Variants in HNRNPAB observed in about 807,000 individuals in gnomAD.
HNRNPAB encodes heterogeneous nuclear ribonucleoprotein A/B.
In HNRNPAB, 17 loss-of-function variants were observed where a neutral mutation model predicts 44.1. That is an observed-to-expected ratio of 0.39 (90% confidence interval 0.26 to 0.58). HNRNPAB has a LOEUF of 0.58. HNRNPAB is among the 20% of genes least tolerant of loss of function. HNRNPAB has a pLI of 0.63. For synonymous variants in HNRNPAB, 183 were observed against 167.6 expected (o/e 1.09, Z -0.71); for missense variants, 393 against 432.7 (o/e 0.91, Z 0.81).
chr5:178,209,019 C>A, intron 5 of HNRNPAB: 1 of 320,714 alleles, frequency 3.1e-6, no homozygotes, highest in South Asian at 3.6e-5. Flanking sequence ...GGTGCCTGGT[C>A]CCAGCCTGTC....
chr5:178,207,688 GCACTT>G (rs1757137923), intron 5 of HNRNPAB, among the ~76,000 whole-genome samples: 1 of 122,896 alleles, frequency 8.1e-6, no homozygotes, highest in Non-Finnish European at 1.6e-5. Context: ...TCCACTTTGA[GCACTT>G]TTTTTTTTTT....
intron 2 of HNRNPAB, 144 bp downstream of exon 2, chr5:178,205,190 G>C (rs1299092854): frequency 2.0e-6 from 1 of 495,006 alleles, no homozygotes; most frequent in Non-Finnish European, 2.9e-6. Context: ...GCGTTCGCGG[G>C]CCGGGCCTGG....
At position 178,209,379 on chromosome 5, in the gene HNRNPAB, A is replaced by G; in HGVS notation, c.719A>G (p.Tyr240Cys). ...AAAGAAGTCTATCAGCAGCAGCAGT[A>G]TGGCTCTGGGGGCCGTGGAAACCGC... is the stretch of plus-strand genomic sequence containing the variant. ...QPKEVYQQQQ[Y>C]GSGGRGNRNR... Residue 240 changes from tyrosine (Y) to cysteine (C), a missense_variant, in exon 6 of 8, where the codon TAT becomes TGT. By Grantham distance (194) the Tyr-to-Cys change is radical. Coordinates refer to ENST00000358344, the MANE Select transcript of HNRNPAB (RefSeq NM_031266.3). 1.2e-6 allele frequency: 2 copies of G among 1,614,192 alleles called. No homozygotes were observed. The highest frequency in any genetic ancestry group is 1.7e-6 in the Non-Finnish European group (2 of 1,180,022).
rs1287714529 is a variant in HNRNPAB at position 178,210,289 on chromosome 5, G to A, written c.928+17G>A. ...ACGACTACAGTAAGTAGGAGAGAGG[G>A]AGGCCCCATCCGCTCACCCCTCGTC... On this transcript the variant is annotated intron_variant, in intron 7 of 7. Transcript: ENST00000358344. The A allele has an allele frequency of 1.3e-5, 21 of 1,614,086 alleles. No homozygotes were observed. The highest frequency in any genetic ancestry group is 1.8e-5 in the Non-Finnish European group (21 of 1,179,988).
chr5:178,206,132 C>A, intron 3 of HNRNPAB, 122 bp downstream of exon 3: 3 of 904,564 alleles, frequency 3.3e-6, no homozygotes, highest in South Asian at 1.7e-5. Flanking sequence ...TTGGGCAAAA[C>A]CCAAAGCCGG....
chr5:178,204,694 C>A lies in HNRNPAB; in HGVS notation c.-70C>A. 2.6e-6 allele frequency: 1 copy of A among 382,812 alleles called. No homozygotes were observed. The highest frequency in any genetic ancestry group is 4.3e-6 in the Non-Finnish European group (1 of 233,738). The allele number at this position is 382,812 out of a possible 1,614,324, so 23.7% of individuals were successfully genotyped here. A position where few individuals can be genotyped will look rare whatever the true frequency, so the allele number is the denominator to read the frequency against. ...GTGCGGCCGAGCCTGCGGCGCCTTC[C>A]CCTGCGGGTGGGGACGAGCGGGCCC... On this transcript the variant is annotated 5_prime_UTR_variant, in exon 1 of 8. Transcript: ENST00000358344.
At position 178,210,810 on chromosome 5, in the gene HNRNPAB, C is replaced by T. The variant is rs934409655; in HGVS notation, c.*187C>T. The T allele has an allele frequency of 3.4e-5, 21 of 608,906 alleles. No individual in the cohort carries two copies. The highest frequency in any genetic ancestry group is 7.4e-5 in the African/African-American group (4 of 54,172). 37.7% of individuals were successfully genotyped at this position (608,906 alleles called of 1,614,324 possible). A position where few individuals can be genotyped will look rare whatever the true frequency, so the allele number is the denominator to read the frequency against. ...TCCAGAGCTCTAGGTGTTTAGGCAGCGTGTGGTGTCTGAGAGGCCATAGCG... is the reference window on the plus strand; with the variant it reads ...TCCAGAGCTCTAGGTGTTTAGGCAGTGTGTGGTGTCTGAGAGGCCATAGCG... On this transcript the variant is annotated 3_prime_UTR_variant, in exon 8 of 8. Transcript: ENST00000358344.
At chr5:178,205,298 G>T (rs1756999611) in intron 2 of HNRNPAB, among the ~76,000 whole-genome samples, 1 of 151,384 alleles carries the variant, frequency 6.6e-6, no homozygotes, top group African/African-American at 2.4e-5. Context: ...GCCAGGGCCG[G>T]AGCCGGCGCA....
rs1258578556 is a variant in HNRNPAB, at chr5:178,210,854, T to C, written c.*231T>C. The C allele has an allele frequency of 1.8e-6, 1 of 560,466 alleles. No homozygotes were observed. The highest frequency in any genetic ancestry group is 3.2e-6 in the Non-Finnish European group (1 of 313,934). 34.7% of individuals were successfully genotyped at this position (560,466 alleles called of 1,614,324 possible). On this transcript the variant is annotated 3_prime_UTR_variant, in exon 8 of 8. Coordinates refer to ENST00000358344, the MANE Select transcript of HNRNPAB (RefSeq NM_031266.3). ...CATAGCGCCATCATGGGCTGATTTT[T>C]ATTACCAGGTCCCCCAGAAGCAGGT...
rs536824563 is a variant in HNRNPAB at position 178,210,419 on chromosome 5, C to T, written c.929-134C>T. On this transcript the variant is annotated intron_variant, in intron 7 of 7. Transcript: ENST00000358344. ...CTACTTGATTTTGAGCCTTAGACTT[C>T]GGGGTCTTAATAACATGAGGAAGGC... The T allele has an allele frequency of 2.9e-4, 437 of 1,531,436 alleles. 4 individuals are homozygous for T. In the South Asian group the frequency reaches 3.4e-3, roughly 12 times the overall value. The allele number at this position is 1,531,436 out of a possible 1,614,324, so 94.9% of individuals were successfully genotyped here. A position where few individuals can be genotyped will look rare whatever the true frequency, so the allele number is the denominator to read the frequency against.
In HNRNPAB at chr5:178,209,434, T is replaced by A. The variant is rs1554103347; in HGVS notation, c.774T>A (p.Gly258=). 1.9e-6 allele frequency: 3 copies of A among 1,613,516 alleles called. No individual in the cohort carries two copies. The highest frequency in any genetic ancestry group is 2.5e-6 in the Non-Finnish European group (3 of 1,179,756). The change falls in exon 6 of 8, where the codon GGT becomes GGA. Residue 258 remains glycine (G), a synonymous_variant. Transcript: ENST00000358344. ...GAGGGAACCGAGGCAGCGGAGGTGG[T>A]GGTGGAGGTGGAGGTGAGTGGAACG... ...RNRGNRGSGG[G]GGGGGQSQSW... is the part of the protein sequence containing the mutation.
At chr5:178,205,111 A>C in intron 2 of HNRNPAB, 65 bp downstream of exon 2, 314 of 1,037,050 alleles carry the variant, frequency 3.0e-4, no homozygotes, top group South Asian at 3.8e-4. Context: ...TGTTGGCGCC[A>C]CGCGGCGGGG....
chr5:178,205,952 C>G lies in HNRNPAB; in HGVS notation c.320C>G (p.Thr107Ser), dbSNP rs139805212. The change falls in exon 3 of 8, where the codon ACT (threonine) becomes AGT (serine). Residue 107 changes from threonine (T) to serine (S), a missense_variant. Physicochemically the swap from Thr to Ser is moderately conservative, Grantham distance 58. Around this residue, in one of 3 missense-constraint regions of HNRNPAB, gnomAD observed 102 missense variants for 162.3 expected, o/e 0.63. Coordinates refer to ENST00000358344, the MANE Select transcript of HNRNPAB (RefSeq NM_031266.3). ...TGTACAATAAAAATGGATCCCAACA[C>G]TGGACGGTCAAGAGGGTTTGGGTTT... Reference protein sequence around the residue: ...VDCTIKMDPNTGRSRGFGFIL... With the variant: ...VDCTIKMDPNSGRSRGFGFIL... 1.1e-4 allele frequency: 176 copies of G among 1,614,058 alleles called. No homozygotes were observed. Among genetic ancestry groups the G allele is most frequent in the Non-Finnish European group, 1.4e-4 (165 of 1,180,010 alleles).
At position 178,204,669 on chromosome 5, in the gene HNRNPAB, G is replaced by A; in HGVS notation, c.-95G>A. On this transcript the variant is annotated 5_prime_UTR_variant, in exon 1 of 8. The change creates a new upstream start codon in the 5' untranslated region. Coordinates refer to ENST00000358344, the MANE Select transcript of HNRNPAB (RefSeq NM_031266.3). ...CGAGGCCTCAGCAGCGCGAGCTTGA[G>A]TGCGGCCGAGCCTGCGGCGCCTTCC... 1 of 319,936 alleles carries A rather than the reference G, an allele frequency of 3.1e-6. No individual in the cohort carries two copies. The highest frequency in any genetic ancestry group is 5.6e-6 in the Non-Finnish European group (1 of 179,956). The allele number at this position is 319,936 out of a possible 1,614,324, so 19.8% of individuals were successfully genotyped here.
In HNRNPAB at chr5:178,204,980, C is replaced by T. The variant is rs910597918; in HGVS notation, c.143C>T (p.Pro48Leu). Residue 48 changes from proline (P) to leucine (L), a missense_variant, in exon 2 of 8, where the codon CCG becomes CTG. Transcript: ENST00000358344. ...GCTGGAGGCGCGACCGCGGCGCCCC[C>T]GAGCGGGAATCAGAACGGCGCCGAG... ...AGAGGATAAPPSGNQNGAEGD... is the reference protein window; with the variant it reads ...AGAGGATAAPLSGNQNGAEGD... 2 of 1,209,888 alleles carry T rather than the reference C, an allele frequency of 1.7e-6. No homozygotes were observed. The highest frequency in any genetic ancestry group is 1.0e-6 in the Non-Finnish European group (1 of 973,818). 74.9% of individuals were successfully genotyped at this position (1,209,888 alleles called of 1,614,324 possible).
chr5:178,206,925 C>A (rs376095408), intron 4 of HNRNPAB, 35 bp downstream of exon 4: 1 of 1,609,718 alleles, frequency 6.2e-7, no homozygotes, highest in Admixed American at 1.7e-5. Flanking sequence ...CATCAGCTGC[C>A]CCTAAGGCTG....
chr5:178,207,691 C>CTTTTTT (rs34424574), intron 5 of HNRNPAB, among the ~76,000 whole-genome samples: 182 of 78,742 alleles, frequency 2.3e-3, no homozygotes, highest in African/African-American at 5.3e-3. Flanking sequence ...ACTTTGAGCA[C>CTTTTTT]TTTTTTTTTT....
chr5:178,209,114 G>A (rs574100275), intron 5 of HNRNPAB, among the ~76,000 whole-genome samples: 1 of 152,230 alleles, frequency 6.6e-6, no homozygotes, highest in African/African-American at 2.4e-5. Flanking sequence ...CCCATCTCAA[G>A]TGCATTCTGT....
At chr5:178,207,553 C>T (rs1757125325) in intron 5 of HNRNPAB, among the ~76,000 whole-genome samples, 2 of 152,128 alleles carry the variant, frequency 1.3e-5, no homozygotes, top group South Asian at 4.1e-4. Context: ...GGTATGAAGC[C>T]TGCAGTTTAA....
Sources: gnomAD v4.1 joint callset for allele counts (sites outside exome capture counted in the v4.1 genomes callset) on GRCh38, gnomAD v4.1.1 for gene constraint, gnomAD v4.1.1 regional missense constraint, MANE v1.5 for transcripts, NCBI Gene and HGNC (gene_info 2026-07-23, HGNC 2026-07-21) for gene names.